TTC7A: variants seen among roughly 807,000 people sequenced by gnomAD.
The protein encoded by TTC7A is tetratricopeptide repeat protein 7A.
A neutral mutation model predicts 103.7 loss-of-function variants in TTC7A; 110 were observed. The observed-to-expected ratio is 1.06, with a 90% CI of 0.91 to 1.24. The LOEUF (loss-of-function observed/expected upper bound fraction) is 1.24. TTC7A is among the 50% of genes most tolerant of loss of function. TTC7A has a pLI of 0.00. For missense variants in TTC7A, 1,340 were observed against 1,116.3 expected, an observed-to-expected ratio of 1.20 and a Z score of -2.86; for synonymous variants, 521 against 467.9, an observed-to-expected ratio of 1.11 and a Z score of -1.47.
At chr2:46,974,274 C>G (rs1244993635) in intron 3 of TTC7A, among the ~76,000 whole-genome samples, 1 of 152,270 alleles carries the variant, frequency 6.6e-6, no homozygotes, top group East Asian at 1.9e-4. Context: ...GGGTACTTGG[C>G]ATGAATGCCA....
chr2:46,981,319 C>G (rs1674437119), intron 5 of TTC7A, among the ~76,000 whole-genome samples: 2 of 152,164 alleles, frequency 1.3e-5, no homozygotes, highest in South Asian at 4.1e-4. Flanking sequence ...TGGCTGTGAG[C>G]CTCTTTCCTT....
At position 47,074,398 on chromosome 2, in the gene TTC7A, TTAG is replaced by T. The variant is rs1268445310; in HGVS notation, c.*479_*481del. ...CTGGGTTCCCTTCTCAGACTTGGAG[TTAG>T]TAGATGATTCCTGCATTGCCCCTGC... On this transcript the variant is annotated 3_prime_UTR_variant, in exon 20 of 20. Coordinates refer to ENST00000319190, the MANE Select transcript of TTC7A (RefSeq NM_020458.4). 6.3e-6 allele frequency: 1 copy of T among 159,156 alleles called. No individual in the cohort carries two copies. The highest frequency in any genetic ancestry group is 1.4e-5 in the Non-Finnish European group (1 of 72,182). The allele number at this position is 159,156 out of a possible 1,614,324, so 9.9% of individuals were successfully genotyped here.
At position 46,970,991 on chromosome 2, in the gene TTC7A, A is replaced by C. The variant is rs543690116; in HGVS notation, c.518-3982A>C. ...GGACAAGGTCACTGAATCTGTGTGC[A>C]TGGGAATGTGGCTAAGAAAAACAAT... On this transcript the variant is annotated intron_variant, in intron 3 of 19. Transcript: ENST00000319190. Among the ~76,000 whole-genome samples, 9 of 152,350 alleles carry C rather than the reference A, an allele frequency of 5.9e-5. No individual in the cohort carries two copies. In the South Asian group the frequency reaches 1.7e-3, roughly 28 times the overall value.
intron 1 of TTC7A, chr2:46,917,093 T>G: frequency 1.5e-6 from 1 of 685,968 alleles, no homozygotes; most frequent in Non-Finnish European, 2.6e-6. Flanking sequence ...ACGGTCTCAT[T>G]CCTTTTCCCA....
chr2:46,955,516 G>A (rs776086534), intron 2 of TTC7A, among the ~76,000 whole-genome samples: 11 of 152,212 alleles, frequency 7.2e-5, no homozygotes, highest in Non-Finnish European at 1.3e-4. Context: ...GAGGCTTTCA[G>A]GAGAAGGTGG....
At chr2:47,018,554 A>G (rs1329572628) in intron 11 of TTC7A, among the ~76,000 whole-genome samples, 2 of 148,986 alleles carry the variant, frequency 1.3e-5, no homozygotes, top group Non-Finnish European at 3.0e-5. Context: ...ACTGCACGCC[A>G]GCTTGGGATA....
At position 46,954,864 on chromosome 2, in the gene TTC7A, C is replaced by T. The variant is rs1671713736; in HGVS notation, c.349-1975C>T. Among the ~76,000 whole-genome samples, 7 of 152,176 alleles carry T rather than the reference C, an allele frequency of 4.6e-5. No homozygotes were observed. The South Asian group carries it at 1.4e-3, about 31-fold the overall frequency. On this transcript the variant is annotated intron_variant, in intron 2 of 19. Coordinates refer to ENST00000319190, the MANE Select transcript of TTC7A (RefSeq NM_020458.4). ...GGGATTACAGGCGTGAGCCACCGTA[C>T]CCGGCCGAGCATTTTTTTAAATAGT... is the stretch of plus-strand genomic sequence containing the variant.
chr2:47,046,364 G>A lies in TTC7A; in HGVS notation c.1852G>A (p.Glu618Lys), dbSNP rs1682318236. 2.5e-6 allele frequency: 4 copies of A among 1,614,216 alleles called. No homozygotes were observed. Among genetic ancestry groups the A allele is most frequent in the Non-Finnish European group, 3.4e-6 (4 of 1,180,042 alleles). ...KLEQVLKGPE[E>K]ALVTCRQVLR... ...GGAGCAGGTGCTGAAAGGCCCAGAG[G>A]AAGCCCTCGTGACCTGCAGACAAGT... Residue 618 changes from glutamate (E) to lysine (K), a missense_variant, in exon 16 of 20, where the codon GAA becomes AAA. Transcript: ENST00000319190.
chr2:47,005,769 A>G (rs1677306822), intron 8 of TTC7A, among the ~76,000 whole-genome samples, 153 bp from the exon 9 acceptor site: 1 of 152,170 alleles, frequency 6.6e-6, no homozygotes, highest in Admixed American at 6.5e-5. Context: ...TGGAGATAGG[A>G]AAAGGCCATT....
chr2:46,965,713 T>A (rs1558516539), intron 3 of TTC7A, among the ~76,000 whole-genome samples: 1 of 151,994 alleles, frequency 6.6e-6, no homozygotes, highest in East Asian at 1.9e-4. Context: ...AGGCACGTAC[T>A]ACCATACCCT....
intron 15 of TTC7A, among the ~76,000 whole-genome samples, chr2:47,044,036 G>A (rs1469079531): frequency 6.6e-6 from 1 of 152,138 alleles, no homozygotes; most frequent in Non-Finnish European, 1.5e-5. Flanking sequence ...CTGTCCCCAG[G>A]GAGCTGTCCC....
intron 2 of TTC7A, among the ~76,000 whole-genome samples, chr2:46,924,594 A>C (rs1409222615): frequency 6.6e-6 from 1 of 152,214 alleles, no homozygotes; most frequent in Non-Finnish European, 1.5e-5. Flanking sequence ...TGTGATATTC[A>C]TAAGAGTACC....
At chr2:47,002,548 AC>A (rs1447837180) in intron 8 of TTC7A, among the ~76,000 whole-genome samples, 6 of 152,058 alleles carry the variant, frequency 3.9e-5, no homozygotes, top group African/African-American at 1.4e-4. Context: ...GCATGGGGGT[AC>A]ACCATGTGGC....
chr2:47,055,568 T>TCCCCCATGA (rs1185763296), intron 18 of TTC7A, among the ~76,000 whole-genome samples: 1 of 151,964 alleles, frequency 6.6e-6, no homozygotes, highest in African/African-American at 2.4e-5. Context: ...TACCCCTTCA[T>TCCCCCATGA]CCCCCATGAC....
intron 10 of TTC7A, among the ~76,000 whole-genome samples, chr2:47,009,741 A>T (rs1211400133): frequency 1.3e-5 from 2 of 152,092 alleles, no homozygotes. Context: ...CTTGGCCCAC[A>T]GTAGGGCCCA....
rs78409570 is a variant in TTC7A at position 46,998,845 on chromosome 2, T to A, written c.1065+3646T>A. ...TTTATTACAAGCTGACTATGTGCGATCAGAATGAATGAGGGAGACCTTGTC... is the reference window on the plus strand; with the variant it reads ...TTTATTACAAGCTGACTATGTGCGAACAGAATGAATGAGGGAGACCTTGTC... On this transcript the variant is annotated intron_variant, in intron 8 of 19. Coordinates refer to ENST00000319190, the MANE Select transcript of TTC7A (RefSeq NM_020458.4). Among the ~76,000 whole-genome samples the A allele has an allele frequency of 4.6e-3, 693 of 152,268 alleles. 39 individuals are homozygous for A. In the East Asian group the frequency reaches 0.13, roughly 28 times the overall value.
intron 6 of TTC7A, among the ~76,000 whole-genome samples, chr2:46,993,866 A>G (rs190585010): frequency 5.3e-5 from 8 of 152,308 alleles, no homozygotes; most frequent in Admixed American, 5.2e-4. Flanking sequence ...AATAAACAGC[A>G]TTGACCCTGC....
chr2:46,949,053 A>G (rs553456233), intron 1 of TTC7A, among the ~76,000 whole-genome samples: 1 of 152,170 alleles, frequency 6.6e-6, no homozygotes, highest in East Asian at 1.9e-4. Context: ...AGTTGCTGGG[A>G]GGGGCAATGA....
intron 4 of TTC7A, among the ~76,000 whole-genome samples, chr2:46,977,762 A>G (rs1674017040): frequency 6.6e-6 from 1 of 152,216 alleles, no homozygotes; most frequent in South Asian, 2.1e-4. Flanking sequence ...TGATTGGGAC[A>G]GAGCCTCACT....
Sources: allele counts gnomAD v4.1 joint callset (sites outside exome capture counted in the v4.1 genomes callset), GRCh38; gene constraint gnomAD v4.1.1; transcripts MANE v1.5; gene names NCBI Gene and HGNC (gene_info 2026-07-23, HGNC 2026-07-21).